Variants in TOGARAM2 observed in about 807,000 individuals in gnomAD.
TOGARAM2 encodes TOG array regulator of axonemal microtubules 2.
TOGARAM2 carries 85 observed loss-of-function variants against 93.3 expected under a neutral mutation model. The ratio of observed to expected loss-of-function variants is 0.91; its 90% CI spans 0.76 to 1.09. The LOEUF (loss-of-function observed/expected upper bound fraction) is 1.09. Ranked by LOEUF, TOGARAM2 falls within the 50% of genes least tolerant of loss-of-function variation. TOGARAM2 has a pLI of 0.00. For missense variants in TOGARAM2, 1,277 were observed against 1,334.5 expected (o/e 0.96, Z 0.67); for synonymous variants, 593 against 552.8 (o/e 1.07, Z -1.02).
chr2:28,958,439 G>C (rs1671756450), intron 1 of TOGARAM2, among the ~76,000 whole-genome samples: 1 of 151,954 alleles, frequency 6.6e-6, no homozygotes, highest in Non-Finnish European at 1.5e-5. Flanking sequence ...CCGAGTAGCT[G>C]GGACTATGGG....
At chr2:28,976,248 G>A (rs550658694) in intron 1 of TOGARAM2, among the ~76,000 whole-genome samples, 249 of 152,268 alleles carry the variant, frequency 1.6e-3, no homozygotes, top group Non-Finnish European at 2.9e-3. Flanking sequence ...GCGGGTGCCT[G>A]TAGTCCCAGC....
intron 1 of TOGARAM2, among the ~76,000 whole-genome samples, chr2:28,990,919 T>C (rs893261817): frequency 2.6e-5 from 4 of 150,950 alleles, no homozygotes; most frequent in African/African-American, 9.8e-5. Flanking sequence ...CTTATAGGAA[T>C]GGAGGGCCGG....
intron 6 of TOGARAM2, among the ~76,000 whole-genome samples, chr2:29,005,345 GCATGT>G (rs1673659856): frequency 7.0e-5 from 1 of 14,258 alleles, no homozygotes; most frequent in Non-Finnish European, 5.0e-4. Flanking sequence ...CCGTGTGTGT[GCATGT>G]GTGGAGCGTA....
intron 16 of TOGARAM2, 134 bp downstream of exon 16, chr2:29,033,697 A>AATACTAATAGATGAATTTGC: frequency 1.4e-6 from 1 of 738,996 alleles, no homozygotes; most frequent in Non-Finnish European, 2.2e-6. Context: ...TTGGGGCTGC[A>AATACTAATAGATGAATTTGC]ATACTAATAG....
At chr2:29,007,378 G>A (rs1663947755) in intron 6 of TOGARAM2, among the ~76,000 whole-genome samples, 1 of 152,124 alleles carries the variant, frequency 6.6e-6, no homozygotes, top group Admixed American at 6.5e-5. Context: ...TCAAGGTGCA[G>A]ACCTTCTTCT....
At chr2:29,034,390 T>A (rs1323066073) in intron 16 of TOGARAM2, among the ~76,000 whole-genome samples, 2 of 152,242 alleles carry the variant, frequency 1.3e-5, no homozygotes, top group African/African-American at 4.8e-5. Context: ...GGTGACAGGC[T>A]GGCCTGTTCT....
At chr2:28,962,309 C>CG (rs1671813129) in intron 1 of TOGARAM2, among the ~76,000 whole-genome samples, 1 of 151,432 alleles carries the variant, frequency 6.6e-6, no homozygotes, top group East Asian at 1.9e-4. Context: ...CCAAGTAGCT[C>CG]AGATTACAGG....
At chr2:28,969,027 TCA>T (rs1213258763) in intron 1 of TOGARAM2, among the ~76,000 whole-genome samples, 1 of 151,934 alleles carries the variant, frequency 6.6e-6, no homozygotes, top group Non-Finnish European at 1.5e-5. Context: ...GCCAGGAAGA[TCA>T]GCATGAGAGG....
intron 14 of TOGARAM2, among the ~76,000 whole-genome samples, chr2:29,028,199 A>G (rs959308980): frequency 4.6e-5 from 7 of 152,064 alleles, no homozygotes; most frequent in African/African-American, 1.4e-4. Flanking sequence ...CCTCGCCCCA[A>G]CTGGAGACCA....
intron 6 of TOGARAM2, among the ~76,000 whole-genome samples, chr2:29,004,331 T>C (rs1183941541): frequency 1.3e-5 from 2 of 152,228 alleles, no homozygotes; most frequent in Non-Finnish European, 2.9e-5. Flanking sequence ...GGCAGCTCTT[T>C]GTAATTAAAT....
chr2:29,039,981 G>C (rs1666336590), intron 18 of TOGARAM2, among the ~76,000 whole-genome samples: 1 of 152,216 alleles, frequency 6.6e-6, no homozygotes, highest in African/African-American at 2.4e-5. Context: ...GTCAGTACTG[G>C]AGAGGGCAGA....
chr2:29,023,338 GCCAC>G (rs1374104250), intron 12 of TOGARAM2, 147 bp downstream of exon 12: 1 of 652,626 alleles, frequency 1.5e-6, no homozygotes, highest in Non-Finnish European at 2.6e-6. Flanking sequence ...GTAGGAGGTA[GCCAC>G]CCATTTCTCA....
chr2:28,998,525 G>T (rs947122094), intron 3 of TOGARAM2, among the ~76,000 whole-genome samples: 1 of 152,194 alleles, frequency 6.6e-6, no homozygotes, highest in Non-Finnish European at 1.5e-5. Flanking sequence ...ACCCAGGTTG[G>T]CAATGGGGAG....
At chr2:28,959,985 G>A (rs574432882) in intron 1 of TOGARAM2, among the ~76,000 whole-genome samples, 13 of 152,322 alleles carry the variant, frequency 8.5e-5, no homozygotes, top group African/African-American at 2.9e-4. Flanking sequence ...AACCTGGACA[G>A]CATGTTCCTG....
chr2:28,996,799 C>CAAA (rs1170607481), intron 2 of TOGARAM2, among the ~76,000 whole-genome samples: 1,069 of 40,552 alleles, frequency 0.026, 90 homozygotes, highest in Non-Finnish European at 0.034. Context: ...GACTCCATCT[C>CAAA]AAAAAAAAAA....
At chr2:29,013,778 C>A (rs1664393798) in intron 7 of TOGARAM2, among the ~76,000 whole-genome samples, 1 of 152,230 alleles carries the variant, frequency 6.6e-6, no homozygotes, top group Admixed American at 6.5e-5. Context: ...TCTCCCAGTC[C>A]ACTGACTCAA....
chr2:28,959,255 C>G (rs1671766421), intron 1 of TOGARAM2, among the ~76,000 whole-genome samples: 1 of 152,144 alleles, frequency 6.6e-6, no homozygotes, highest in Non-Finnish European at 1.5e-5. Flanking sequence ...ATGTTTCCCC[C>G]TCATGTCCTT....
At chr2:28,959,729 T>C (rs1671775501) in intron 1 of TOGARAM2, among the ~76,000 whole-genome samples, 1 of 151,798 alleles carries the variant, frequency 6.6e-6, no homozygotes, top group Non-Finnish European at 1.5e-5. Context: ...GGCGACAGAG[T>C]GAGACTCTGG....
At chr2:28,998,490 G>A (rs915241286) in intron 3 of TOGARAM2, among the ~76,000 whole-genome samples, 2 of 152,196 alleles carry the variant, frequency 1.3e-5, no homozygotes, top group African/African-American at 4.8e-5. Context: ...CTCTGCATGC[G>A]CCTGGACCTG....
Sources: gnomAD v4.1 joint callset for allele counts (sites outside exome capture counted in the v4.1 genomes callset) on GRCh38, gnomAD v4.1.1 for gene constraint, MANE v1.5 for transcripts, NCBI Gene and HGNC (gene_info 2026-07-23, HGNC 2026-07-21) for gene names.